The following SLC24A2 variants were observed in gnomAD, a reference collection of about 807,000 sequenced individuals.
SLC24A2 encodes the protein solute carrier family 24 member 2, also known as sodium/potassium/calcium exchanger 2.
A neutral mutation model predicts 62.0 loss-of-function variants in SLC24A2; 36 were observed. The observed-to-expected ratio is 0.58, with a 90% CI of 0.44 to 0.77. The LOEUF is 0.77. Among genes scored for constraint, SLC24A2 ranks in the 30% least tolerant of loss-of-function variants. SLC24A2 has a pLI of 0.00. For synonymous variants in SLC24A2, 358 were observed against 294.0 expected (o/e 1.22, Z -2.23); for missense variants, 846 against 817.9 (o/e 1.03, Z -0.42).
At chr9:19,974,031 C>T in the SLC24A2 span, among the ~76,000 whole-genome samples, 1 of 151,980 alleles carries the variant, frequency 6.6e-6, no homozygotes, top group African/African-American at 2.4e-5. Context: ...ATAATCTTAT[C>T]TCATAAGGAT....
At chr9:20,061,083 T>C in the SLC24A2 span, among the ~76,000 whole-genome samples, 1 of 152,070 alleles carries the variant, frequency 6.6e-6, no homozygotes. Flanking sequence ...GATTATAAAA[T>C]TCAAGGATTA....
the SLC24A2 span, among the ~76,000 whole-genome samples, chr9:19,992,750 T>C: frequency 6.6e-6 from 1 of 152,192 alleles, no homozygotes; most frequent in Non-Finnish European, 1.5e-5. Flanking sequence ...TTGGCAGAAA[T>C]ATGCTCCCAG....
At chr9:20,102,728 G>A in the SLC24A2 span, among the ~76,000 whole-genome samples, 13 of 150,696 alleles carry the variant, frequency 8.6e-5, no homozygotes, top group African/African-American at 1.9e-4. Flanking sequence ...CAAGATGGCC[G>A]AATAGGAACA....
intron 2 of SLC24A2, among the ~76,000 whole-genome samples, chr9:19,687,747 C>A (rs1392026785): frequency 6.6e-6 from 1 of 152,092 alleles, no homozygotes; most frequent in Admixed American, 6.6e-5. Flanking sequence ...CCAGTTACTA[C>A]TTTCAGCTGT....
At chr9:19,674,598 T>G (rs1819511090) in intron 2 of SLC24A2, among the ~76,000 whole-genome samples, 1 of 152,236 alleles carries the variant, frequency 6.6e-6, no homozygotes, top group Admixed American at 6.5e-5. Context: ...TGAATTGGCT[T>G]AATTTGAAAA....
At chr9:19,975,769 TTG>T in the SLC24A2 span, among the ~76,000 whole-genome samples, 3 of 152,198 alleles carry the variant, frequency 2.0e-5, no homozygotes, top group African/African-American at 7.2e-5. Flanking sequence ...TTGTTTTGTT[TTG>T]TGGCTTATCC....
chr9:20,154,316 C>T, the SLC24A2 span, among the ~76,000 whole-genome samples: 6 of 151,782 alleles, frequency 4.0e-5, no homozygotes, highest in African/African-American at 1.5e-4. Context: ...ACACTGGGTA[C>T]TGACAGCCTG....
chr9:19,793,813 A>T (rs1249819601), upstream of SLC24A2, among the ~76,000 whole-genome samples: 3 of 152,208 alleles, frequency 2.0e-5, no homozygotes, highest in African/African-American at 7.2e-5. Flanking sequence ...TATACTTAGA[A>T]CCTATAGATT....
intron 2 of SLC24A2, among the ~76,000 whole-genome samples, chr9:19,687,194 G>A (rs1819908231): frequency 6.6e-6 from 1 of 152,062 alleles, no homozygotes; most frequent in African/African-American, 2.4e-5. Flanking sequence ...CTTATTACCT[G>A]GGTGACAACA....
chr9:20,042,945 A>C, the SLC24A2 span, among the ~76,000 whole-genome samples: 1 of 152,128 alleles, frequency 6.6e-6, no homozygotes, highest in Non-Finnish European at 1.5e-5. Flanking sequence ...GTGTATTTTA[A>C]TGGCTCCAAT....
the SLC24A2 span, among the ~76,000 whole-genome samples, chr9:19,998,003 A>G: frequency 6.6e-6 from 1 of 152,160 alleles, no homozygotes; most frequent in African/African-American, 2.4e-5. Flanking sequence ...TTGGGAAAAA[A>G]GCCAATACTA....
Position 19,559,451 on chromosome 9 carries a change from G to C in SLC24A2, c.1348-9183C>G, listed in dbSNP as rs909274680. Among the ~76,000 whole-genome samples the C allele has an allele frequency of 2.0e-5, 3 of 152,198 alleles. No individual in the cohort carries two copies. The East Asian group carries it at 5.8e-4, about 29-fold the overall frequency. ...GAGAAAATACGATTTTATTCCAGTA[G>C]GCAAGCTTTAAGTAGACTTACTATC... On this transcript the variant is annotated intron_variant, in intron 7 of 10. Transcript: ENST00000341998.
the SLC24A2 span, among the ~76,000 whole-genome samples, chr9:20,188,059 C>T: frequency 1.3e-5 from 2 of 152,326 alleles, no homozygotes; most frequent in South Asian, 4.1e-4. Flanking sequence ...ATGCCTGTGT[C>T]CTGATCCCCA....
At chr9:19,733,819 G>C (rs1821414791) in intron 2 of SLC24A2, among the ~76,000 whole-genome samples, 1 of 152,078 alleles carries the variant, frequency 6.6e-6, no homozygotes, top group Non-Finnish European at 1.5e-5. Flanking sequence ...CCTTCTCTGG[G>C]CCAAACCTTT....
At chr9:19,564,709 C>T (rs548030992) in intron 7 of SLC24A2, among the ~76,000 whole-genome samples, 15 of 152,242 alleles carry the variant, frequency 9.9e-5, no homozygotes, top group African/African-American at 3.1e-4. Flanking sequence ...AACTGCAACA[C>T]ATAAAAAGCC....
At chr9:20,006,572 C>T in the SLC24A2 span, among the ~76,000 whole-genome samples, 1 of 152,000 alleles carries the variant, frequency 6.6e-6, no homozygotes, top group Non-Finnish European at 1.5e-5. Context: ...CAAAATATCT[C>T]ATATACCCCA....
the SLC24A2 span, among the ~76,000 whole-genome samples, chr9:20,167,137 T>A: frequency 3.9e-5 from 6 of 152,024 alleles, no homozygotes; most frequent in African/African-American, 1.4e-4. Context: ...TTCAAATGAA[T>A]GTTGTAAACA....
At chr9:20,118,466 G>T in the SLC24A2 span, among the ~76,000 whole-genome samples, 1 of 152,048 alleles carries the variant, frequency 6.6e-6, no homozygotes, top group African/African-American at 2.4e-5. Flanking sequence ...TGATGCTTGA[G>T]AGATAACCAA....
chr9:19,718,632 C>G (rs966638373), intron 2 of SLC24A2, among the ~76,000 whole-genome samples: 3 of 152,064 alleles, frequency 2.0e-5, no homozygotes, highest in Non-Finnish European at 4.4e-5. Flanking sequence ...CTTATAGCAT[C>G]ACACGTTACT....
Sources: allele counts gnomAD v4.1 joint callset (sites outside exome capture counted in the v4.1 genomes callset), GRCh38; gene constraint gnomAD v4.1.1; transcripts MANE v1.5; gene names NCBI Gene and HGNC (gene_info 2026-07-23, HGNC 2026-07-21).